The following HRH2 variants were observed in gnomAD, a reference collection of about 807,000 sequenced individuals.
HRH2 encodes histamine H2 receptor.
Under a neutral mutation model 20.1 loss-of-function variants are expected in HRH2, and 4 were observed. The ratio of observed to expected loss-of-function variants is 0.20; its 90% confidence interval spans 0.10 to 0.45. The LOEUF (loss-of-function observed/expected upper bound fraction) is 0.45. HRH2 is among the 20% of genes least tolerant of loss of function. HRH2 has a pLI of 0.99. For missense variants in HRH2, 250 were observed against 461.6 expected, an observed-to-expected ratio of 0.54 and a Z score of 4.20; for synonymous variants, 197 against 200.7, an observed-to-expected ratio of 0.98 and a Z score of 0.16.
intron 1 of HRH2, among the ~76,000 whole-genome samples, chr5:175,668,102 C>T (rs116307848): frequency 7.9e-4 from 121 of 152,320 alleles, no homozygotes; most frequent in African/African-American, 2.9e-3. Context: ...TGGTTTGGTG[C>T]TCCAGGGCTG....
intron 2 of HRH2, among the ~76,000 whole-genome samples, chr5:175,705,310 C>G (rs969210938): frequency 1.3e-5 from 2 of 152,008 alleles, no homozygotes; most frequent in African/African-American, 4.8e-5. Flanking sequence ...ACAAATAGAC[C>G]AGTGGAAAAG....
At chr5:175,658,728 G>A (rs572114370) in intron 1 of HRH2, among the ~76,000 whole-genome samples, 164 of 152,286 alleles carry the variant, frequency 1.1e-3, no homozygotes, top group African/African-American at 3.6e-3. Context: ...ACCGATGACC[G>A]GAGCCACAAC....
Position 175,687,680 on chromosome 5 carries a change from G to T in HRH2, c.1076+3371G>T, listed in dbSNP as rs1756219676. Reference sequence around the variant, plus strand: ...CATCCGCCCCTTCCTGACCCCTACTGTCCACCCCTCATCACCTCTCCCCTG... The same window carrying T: ...CATCCGCCCCTTCCTGACCCCTACTTTCCACCCCTCATCACCTCTCCCCTG... On this transcript the variant is annotated intron_variant, in intron 2 of 2. Transcript: ENST00000636584. This position sits in a 1 kb window ranked among gnomAD's most constrained non-coding sequence, Gnocchi z 5.2. Among the ~76,000 whole-genome samples the T allele has an allele frequency of 2.6e-5, 4 of 151,614 alleles. No homozygotes were observed. Among genetic ancestry groups the T allele is most frequent in the Admixed American group, 2.6e-4 (4 of 15,224 alleles).
chr5:175,697,324 G>A (rs1290362227), intron 2 of HRH2, among the ~76,000 whole-genome samples: 5 of 151,824 alleles, frequency 3.3e-5, no homozygotes, highest in South Asian at 2.1e-4. Context: ...TTAGCCGGGC[G>A]TGGTGGTGGG....
chr5:175,658,174 C>T lies in HRH2; in HGVS notation c.-526+19C>T, dbSNP rs1762621947. 1 of 151,582 alleles carries T rather than the reference C, an allele frequency of 6.6e-6. No homozygotes were observed. Among genetic ancestry groups the T allele is most frequent in the East Asian group, 1.9e-4 (1 of 5,132 alleles). The allele number at this position is 151,582 out of a possible 1,614,324, so 9.4% of individuals were successfully genotyped here. On this transcript the variant is annotated intron_variant, in intron 1 of 2. Transcript: ENST00000636584. ...GCACCAGGTAACGCGGCCGCCGCCT[C>T]CCCGCGGGGCCTCGGCTCGGGGTGG... is the stretch of plus-strand genomic sequence containing the variant.
rs981318621 is a variant in HRH2 at position 175,709,013 on chromosome 5, C to G, written c.*1042C>G. 2.0e-5 allele frequency: 3 copies of G among 152,156 alleles called. No individual in the cohort carries two copies. Among genetic ancestry groups the G allele is most frequent in the African/African-American group, 7.2e-5 (3 of 41,400 alleles). 9.4% of individuals were successfully genotyped at this position (152,156 alleles called of 1,614,324 possible). On this transcript the variant is annotated 3_prime_UTR_variant, in exon 3 of 3. Transcript: ENST00000636584. ...CCACTCTAAGCAGCTTTTGATTCCC[C>G]TGTCCAAGAGGGTAGGCCCCCTGTT...
At chr5:175,665,935 A>G (rs1762875029) in intron 1 of HRH2, among the ~76,000 whole-genome samples, 1 of 152,214 alleles carries the variant, frequency 6.6e-6, no homozygotes, top group Non-Finnish European at 1.5e-5. Context: ...GTTTTAAATG[A>G]GATTTCATTG....
At chr5:175,676,730 C>T (rs1026859754) in intron 1 of HRH2, among the ~76,000 whole-genome samples, 6 of 152,194 alleles carry the variant, frequency 3.9e-5, no homozygotes, top group African/African-American at 1.4e-4. Context: ...TATCACCCAC[C>T]TCCTCACCCT....
At chr5:175,694,123 C>T (rs1444920650) in intron 2 of HRH2, among the ~76,000 whole-genome samples, 1 of 152,146 alleles carries the variant, frequency 6.6e-6, no homozygotes, top group South Asian at 2.1e-4. Flanking sequence ...GTGCCCTTGC[C>T]CCAGGAGTGG....
At chr5:175,699,063 G>A (rs1051516678) in intron 2 of HRH2, among the ~76,000 whole-genome samples, 51 of 152,142 alleles carry the variant, frequency 3.4e-4, no homozygotes, top group African/African-American at 1.1e-3. Context: ...GGAGAAGGCC[G>A]TGAGAAAAGA....
At chr5:175,685,469 G>GTTCA in intron 2 of HRH2, 2 of 1,551,414 alleles carry the variant, frequency 1.3e-6, no homozygotes, top group East Asian at 4.9e-5. Context: ...TCATTCATTT[G>GTTCA]TTCATTCATT....
rs533879994 is a variant in HRH2 at position 175,704,411 on chromosome 5, G to GA, written c.1077-3359dup. On this transcript the variant is annotated intron_variant, in intron 2 of 2. Coordinates refer to ENST00000636584, the MANE Select transcript of HRH2 (RefSeq NM_001367711.1). Reference sequence around the variant, plus strand: ...TGTGAATATTATATCAATCGAAGCAGAAAAAAAAACACTGAGTAAGTTTAA... The same window carrying GA: ...TGTGAATATTATATCAATCGAAGCAGAAAAAAAAAACACTGAGTAAGTTTAA... Among the ~76,000 whole-genome samples, 14 of 150,156 alleles carry GA rather than the reference G, an allele frequency of 9.3e-5. No homozygotes were observed. The East Asian group carries it at 1.6e-3, about 17-fold the overall frequency.
In HRH2 at chr5:175,682,808, T is replaced by A. The variant is rs1756031304; in HGVS notation, c.-426T>A. On this transcript the variant is annotated 5_prime_UTR_variant, in exon 2 of 3. Coordinates refer to ENST00000636584, the MANE Select transcript of HRH2 (RefSeq NM_001367711.1). Reference sequence around the variant, plus strand: ...AGCTATGGAGAGGGATACAGCTGCGTCTCCACATGACCCATCCTGCATGAC... The same window carrying A: ...AGCTATGGAGAGGGATACAGCTGCGACTCCACATGACCCATCCTGCATGAC... 1 of 177,118 alleles carries A rather than the reference T, an allele frequency of 5.6e-6. No homozygotes were observed. Among genetic ancestry groups the A allele is most frequent in the Admixed American group, 5.4e-5 (1 of 18,554 alleles). The allele number at this position is 177,118 out of a possible 1,614,324, so 11.0% of individuals were successfully genotyped here. A position where few individuals can be genotyped will look rare whatever the true frequency, so the allele number is the denominator to read the frequency against.
chr5:175,674,404 A>C (rs779569079), intron 1 of HRH2, among the ~76,000 whole-genome samples: 1 of 152,188 alleles, frequency 6.6e-6, no homozygotes, highest in Non-Finnish European at 1.5e-5. Context: ...GGTGCTCGGG[A>C]AATGGAAGTG....
chr5:175,670,498 G>T (rs1166775559), intron 1 of HRH2, among the ~76,000 whole-genome samples: 1 of 152,190 alleles, frequency 6.6e-6, no homozygotes. Context: ...CATCTTTGGA[G>T]GTAATCAAGG....
chr5:175,667,510 A>G (rs921805741), intron 1 of HRH2, among the ~76,000 whole-genome samples: 1 of 149,164 alleles, frequency 6.7e-6, no homozygotes, highest in Non-Finnish European at 1.5e-5. Flanking sequence ...CAAAATAACC[A>G]GTACGACCAC....
At chr5:175,691,871 A>G (rs1280248269) in intron 2 of HRH2, among the ~76,000 whole-genome samples, 2 of 151,818 alleles carry the variant, frequency 1.3e-5, no homozygotes. Flanking sequence ...CTCAAAAAAA[A>G]AAAGAAAAAA....
In HRH2 at chr5:175,681,231, G is replaced by A. The variant is rs1453261631; in HGVS notation, c.-525-1478G>A. ...GCTCTGCTAAAAATAGTACCCGGAG[G>A]TTCAGCTGCCAGGACTGGTGGCTGA... is the stretch of plus-strand genomic sequence containing the variant. On this transcript the variant is annotated intron_variant, in intron 1 of 2. Coordinates refer to ENST00000636584, the MANE Select transcript of HRH2 (RefSeq NM_001367711.1). This position sits in a 1 kb window ranked among gnomAD's most constrained non-coding sequence, Gnocchi z 4.3. 1.3e-5 allele frequency among the ~76,000 whole-genome samples: 2 copies of A among 152,166 alleles called. No individual in the cohort carries two copies. The highest frequency in any genetic ancestry group is 2.9e-5 in the Non-Finnish European group (2 of 68,024).
At chr5:175,668,041 C>T (rs1378928548) in intron 1 of HRH2, among the ~76,000 whole-genome samples, 2 of 152,154 alleles carry the variant, frequency 1.3e-5, no homozygotes, top group African/African-American at 4.8e-5. Context: ...CTCTTTGAAA[C>T]CTCAAAAACA....
Sources: allele counts gnomAD v4.1 joint callset (sites outside exome capture counted in the v4.1 genomes callset), GRCh38; gene constraint gnomAD v4.1.1; non-coding constraint Gnocchi (gnomAD v3.1); transcripts MANE v1.5; gene names NCBI Gene and HGNC (gene_info 2026-07-23, HGNC 2026-07-21).